The following HTR5A variants were observed in gnomAD, a reference collection of about 807,000 sequenced individuals.
HTR5A encodes the protein 5-hydroxytryptamine receptor 5A.
In HTR5A, 21 loss-of-function variants were observed where a neutral mutation model predicts 24.3. The observed-to-expected ratio is 0.86, with a 90% CI of 0.61 to 1.24. HTR5A has a LOEUF of 1.24. Among genes scored for constraint, HTR5A ranks in the 50% most tolerant of loss-of-function variants. The pLI is 0.00. For missense variants in HTR5A, 497 were observed against 489.5 expected (o/e 1.02, Z -0.15); for synonymous variants, 260 against 213.7 (o/e 1.22, Z -1.89).
chr7:155,077,492 C>A, intron 1 of HTR5A, among the ~76,000 whole-genome samples: 1 of 130,508 alleles, frequency 7.7e-6, no homozygotes, highest in African/African-American at 2.9e-5. Flanking sequence ...GAGACAGAGT[C>A]TCACACTGTT....
intron 1 of HTR5A, among the ~76,000 whole-genome samples, chr7:155,081,951 C>T (rs773768024): frequency 1.2e-4 from 18 of 152,208 alleles, no homozygotes; most frequent in Non-Finnish European, 2.5e-4. Context: ...GAAAAATATG[C>T]TTTTCTGAAC....
At position 155,071,227 on chromosome 7, in the gene HTR5A, G is replaced by A; in HGVS notation, c.328G>A (p.Gly110Ser). The change falls in exon 1 of 2, where the codon GGT becomes AGT. Residue 110 changes from glycine to serine, a missense_variant. Coordinates refer to ENST00000287907, the MANE Select transcript of HTR5A (RefSeq NM_024012.4). The stretch of plus-strand genomic sequence containing the variant: ...GCTGTCCGGGCGCCGCTGGCAGCTA[G>A]GTCGGAGGCTGTGCCAGCTTTGGAT... ...HELSGRRWQL[G>S]RRLCQLWIAC... 2 of 1,603,908 alleles carry A rather than the reference G, an allele frequency of 1.2e-6. No individual in the cohort carries two copies. The highest frequency in any genetic ancestry group is 1.7e-6 in the Non-Finnish European group (2 of 1,179,900).
At chr7:155,081,576 C>A (rs1223029593) in intron 1 of HTR5A, among the ~76,000 whole-genome samples, 14 of 152,210 alleles carry the variant, frequency 9.2e-5, no homozygotes, top group African/African-American at 3.1e-4. Context: ...TAACTATTCA[C>A]TTTTTAACCC....
At chr7:155,074,074 A>C (rs1795334895) in intron 1 of HTR5A, among the ~76,000 whole-genome samples, 1 of 151,944 alleles carries the variant, frequency 6.6e-6, no homozygotes, top group Non-Finnish European at 1.5e-5. Context: ...ATTACAAACC[A>C]GGCCTCCTGA....
At chr7:155,072,326 C>A (rs1563418747) in intron 1 of HTR5A, among the ~76,000 whole-genome samples, 1 of 152,142 alleles carries the variant, frequency 6.6e-6, no homozygotes, top group Non-Finnish European at 1.5e-5. Context: ...TCCCCCACAG[C>A]CCTATTAGGT....
rs775478837 is a variant in HTR5A, at chr7:155,071,376, C to T, written c.477C>T (p.Asn159=). Residue 159 remains asparagine (N), a synonymous_variant, in exon 1 of 2, where the codon AAC becomes AAT. Transcript: ENST00000287907. ...YTLRTRKCVS[N]VMIALTWALS... ...TCCGCACCCGCAAGTGCGTCTCCAACGTCATGATCGCGCTCACCTGGGCAC... is the reference window on the plus strand; with the variant it reads ...TCCGCACCCGCAAGTGCGTCTCCAATGTCATGATCGCGCTCACCTGGGCAC... The T allele has an allele frequency of 4.3e-6, 7 of 1,613,970 alleles. No homozygotes were observed. The highest frequency in any genetic ancestry group is 5.9e-6 in the Non-Finnish European group (7 of 1,180,050).
chr7:155,070,988 G>T lies in HTR5A; in HGVS notation c.89G>T (p.Arg30Leu), dbSNP rs201595546. 6.2e-7 allele frequency: 1 copy of T among 1,611,512 alleles called. No individual in the cohort carries two copies. The highest frequency in any genetic ancestry group is 8.5e-7 in the Non-Finnish European group (1 of 1,179,994). The stretch of plus-strand genomic sequence containing the variant: ...CACAGCCTCGGCAAAGACGACCTGC[G>T]CCCCAGCTCGCCCCTGCTCTCGGTC... ...TNHSLGKDDL[R>L]PSSPLLSVFG... Residue 30 changes from arginine (R) to leucine (L), a missense_variant, in exon 1 of 2, where the codon CGC (arginine) becomes CTC (leucine). Transcript: ENST00000287907.
chr7:155,083,671 A>G (rs1401201798), intron 1 of HTR5A, among the ~76,000 whole-genome samples: 2 of 152,220 alleles, frequency 1.3e-5, no homozygotes, highest in African/African-American at 4.8e-5. Flanking sequence ...AGAATATGCT[A>G]TGGGGCACAG....
Position 155,084,469 on chromosome 7 carries a change from C to G in HTR5A, c.1056C>G (p.Phe352Leu). The G allele has an allele frequency of 6.2e-7, 1 of 1,612,158 alleles. No homozygotes were observed. The highest frequency in any genetic ancestry group is 8.5e-7 in the Non-Finnish European group (1 of 1,178,656). ...NKNYNSAFKN[F>L]FSRQH ...ACTACAACAGCGCCTTCAAGAACTT[C>G]TTTTCTAGGCAACACTGAGGGAGAG... Residue 352 changes from phenylalanine (F) to leucine (L), a missense_variant, in exon 2 of 2, where the codon TTC becomes TTG. Physicochemically the swap from Phe to Leu is conservative, Grantham distance 22 (BLOSUM62 0). Coordinates refer to ENST00000287907, the MANE Select transcript of HTR5A (RefSeq NM_024012.4).
At chr7:155,078,427 T>C (rs947333078) in intron 1 of HTR5A, among the ~76,000 whole-genome samples, 2 of 152,166 alleles carry the variant, frequency 1.3e-5, no homozygotes, top group Non-Finnish European at 2.9e-5. Flanking sequence ...TCTATCTTTA[T>C]TCAGCCTCCC....
intron 1 of HTR5A, among the ~76,000 whole-genome samples, chr7:155,081,131 A>G (rs575043161): frequency 4.5e-4 from 69 of 152,270 alleles, no homozygotes; most frequent in African/African-American, 1.7e-3. Context: ...GTGTAAGGCC[A>G]TTTTTAGCTT....
rs267601433 is a variant in HTR5A, at chr7:155,071,016, C to T, written c.117C>T (p.Phe39=). The T allele has an allele frequency of 6.2e-7, 1 of 1,611,760 alleles. No homozygotes were observed. Among genetic ancestry groups the T allele is most frequent in the Non-Finnish European group, 8.5e-7 (1 of 1,180,036 alleles). Residue 39 remains phenylalanine, a synonymous_variant, in exon 1 of 2, where the codon TTC becomes TTT. Coordinates refer to ENST00000287907, the MANE Select transcript of HTR5A (RefSeq NM_024012.4). ...CCAGCTCGCCCCTGCTCTCGGTCTTCGGAGTGCTTATTCTCACCTTGCTGG... is the reference window on the plus strand; with the variant it reads ...CCAGCTCGCCCCTGCTCTCGGTCTTTGGAGTGCTTATTCTCACCTTGCTGG... ...LRPSSPLLSV[F]GVLILTLLGF... is the part of the protein sequence containing the mutation.
Position 155,070,786 on chromosome 7 carries a change from C to T in HTR5A, c.-114C>T, listed in dbSNP as rs1210918459. 2 of 1,113,908 alleles carry T rather than the reference C, an allele frequency of 1.8e-6. No individual in the cohort carries two copies. The highest frequency in any genetic ancestry group is 3.1e-5 in the African/African-American group (2 of 64,208). 69.0% of individuals were successfully genotyped at this position (1,113,908 alleles called of 1,614,324 possible). The stretch of plus-strand genomic sequence containing the variant: ...AATTCACAGGCACTTTCCAGAAACT[C>T]CCCCACTGGCCAGAGGTTGCAAACA... On this transcript the variant is annotated 5_prime_UTR_variant, in exon 1 of 2. Transcript: ENST00000287907.
At position 155,071,259 on chromosome 7, in the gene HTR5A, C is replaced by T. The variant is rs757620241; in HGVS notation, c.360C>T (p.Cys120=). 1.9e-6 allele frequency: 3 copies of T among 1,606,108 alleles called. No individual in the cohort carries two copies. The highest frequency in any genetic ancestry group is 2.2e-5 in the East Asian group (1 of 44,872). The part of the protein sequence containing the change: ...GRRLCQLWIA[C]DVLCCTASIW... Reference sequence around the variant, plus strand: ...GGCTGTGCCAGCTTTGGATCGCGTGCGACGTGCTTTGCTGCACGGCCAGCA... The same window carrying T: ...GGCTGTGCCAGCTTTGGATCGCGTGTGACGTGCTTTGCTGCACGGCCAGCA... The change falls in exon 1 of 2, where the codon TGC becomes TGT. Residue 120 remains cysteine, a synonymous_variant. Transcript: ENST00000287907.
In HTR5A at chr7:155,086,114, TC is replaced by T. The variant is rs1459835417; in HGVS notation, c.*1631del. ...ACTCTTCACTTACTCAAGTTACTTT[TC>T]CCCATTATTACTCGAAATCAGAGAG... On this transcript the variant is annotated 3_prime_UTR_variant, in exon 2 of 2. Coordinates refer to ENST00000287907, the MANE Select transcript of HTR5A (RefSeq NM_024012.4). Among the ~76,000 whole-genome samples, 3 of 152,214 alleles carry T rather than the reference TC, an allele frequency of 2.0e-5. No homozygotes were observed. Among genetic ancestry groups the T allele is most frequent in the Admixed American group, 6.5e-5 (1 of 15,288 alleles).
intron 1 of HTR5A, among the ~76,000 whole-genome samples, chr7:155,073,877 G>GTGTATA (rs1210393368): frequency 0.02 from 161 of 8,018 alleles, 4 homozygotes; most frequent in Admixed American, 0.11. Flanking sequence ...ATATATATAT[G>GTGTATA]TATATATATA....
chr7:155,071,988 C>T (rs528848879), intron 1 of HTR5A, among the ~76,000 whole-genome samples: 5 of 152,018 alleles, frequency 3.3e-5, no homozygotes, highest in Non-Finnish European at 7.4e-5. Flanking sequence ...ATCTGGGGTA[C>T]GCTGATTCAG....
intron 1 of HTR5A, among the ~76,000 whole-genome samples, chr7:155,078,748 C>CTT (rs1398973517): frequency 4.2e-5 from 1 of 23,750 alleles, no homozygotes; most frequent in African/African-American, 6.3e-5. Flanking sequence ...ATTTTCTGTG[C>CTT]TTCTTTTTTT....
rs1031605672 is a variant in HTR5A, at chr7:155,084,198, G to T, written c.785G>T (p.Arg262Leu). The change falls in exon 2 of 2, where the codon CGC (arginine) becomes CTC (leucine). Residue 262 changes from arginine to leucine, a missense_variant. Physicochemically the swap from Arg to Leu is moderately radical, Grantham distance 102 (BLOSUM62 -2). Transcript: ENST00000287907. Reference protein sequence around the residue: ...AKQPQMVFTVRHATVTFQPEG... With the variant: ...AKQPQMVFTVLHATVTFQPEG... ...CAGCCCCAGATGGTGTTCACGGTCC[G>T]CCACGCCACCGTCACCTTCCAGCCA... 2 of 1,613,536 alleles carry T rather than the reference G, an allele frequency of 1.2e-6. No individual in the cohort carries two copies. Among genetic ancestry groups the T allele is most frequent in the Non-Finnish European group, 1.7e-6 (2 of 1,179,844 alleles).
Sources: allele counts gnomAD v4.1 joint callset (sites outside exome capture counted in the v4.1 genomes callset), GRCh38; gene constraint gnomAD v4.1.1; transcripts MANE v1.5; gene names NCBI Gene and HGNC (gene_info 2026-07-23, HGNC 2026-07-21).